CFAP299: variants seen among roughly 807,000 people sequenced by gnomAD.
CFAP299 encodes the protein cilia and flagella associated protein 299.
A neutral mutation model predicts 27.0 loss-of-function variants in CFAP299; 21 were observed. The ratio of observed to expected loss-of-function variants is 0.78; its 90% CI spans 0.55 to 1.12. The LOEUF is 1.12. Among genes scored for constraint, CFAP299 ranks in the 50% most tolerant of loss-of-function variants. CFAP299 has a pLI of 0.00. For synonymous variants in CFAP299, 104 were observed against 98.1 expected (o/e 1.06, Z -0.36); for missense variants, 310 against 276.6 (o/e 1.12, Z -0.86).
At chr4:80,752,840 C>T (rs998755972) in intron 3 of CFAP299, among the ~76,000 whole-genome samples, 1 of 151,662 alleles carries the variant, frequency 6.6e-6, no homozygotes. Context: ...TAATATATGT[C>T]ATTACGTTAA....
rs374092641 is a variant in CFAP299 at position 80,795,331 on chromosome 4, T to G, written c.334-74662T>G. On this transcript the variant is annotated intron_variant, in intron 3 of 5. Coordinates refer to ENST00000358105, the MANE Select transcript of CFAP299 (RefSeq NM_152770.3). The stretch of plus-strand genomic sequence containing the variant: ...ATTGCACAACTGGCCATTTCTCCTT[T>G]CATGCAAAGTACACAACCAGGTGCA... 5.3e-5 allele frequency among the ~76,000 whole-genome samples: 8 copies of G among 152,312 alleles called. No individual in the cohort carries two copies. In the South Asian group the frequency reaches 8.3e-4, roughly 16 times the overall value.
intron 3 of CFAP299, among the ~76,000 whole-genome samples, chr4:80,806,216 T>C (rs1429399120): frequency 6.6e-6 from 1 of 152,216 alleles, no homozygotes; most frequent in East Asian, 1.9e-4. Context: ...TGACATGAAG[T>C]CCTATTAAAG....
At chr4:80,456,703 A>G (rs1016218548) in intron 2 of CFAP299, among the ~76,000 whole-genome samples, 3 of 152,176 alleles carry the variant, frequency 2.0e-5, no homozygotes, top group Admixed American at 6.5e-5. Flanking sequence ...CCAAGTAAAG[A>G]TGTAGAGGGC....
chr4:80,355,354 CTTTTTTTT>C (rs70944772), intron 1 of CFAP299, among the ~76,000 whole-genome samples: 1 of 95,522 alleles, frequency 1.0e-5, no homozygotes. Context: ...ATGTCCTTTG[CTTTTTTTT>C]TTTTTTTTTT....
intron 3 of CFAP299, among the ~76,000 whole-genome samples, chr4:80,842,545 G>T (rs1208121629): frequency 1.3e-5 from 2 of 152,266 alleles, no homozygotes; most frequent in South Asian, 2.1e-4. Context: ...AATGTAAAAT[G>T]TAATAATGCA....
chr4:80,691,294 A>G (rs866393137), intron 3 of CFAP299, among the ~76,000 whole-genome samples: 2,631 of 135,110 alleles, frequency 0.019, 62 homozygotes, highest in South Asian at 0.063. Flanking sequence ...AAAATCCTCA[A>G]TAAAATACTG....
chr4:80,388,516 C>T (rs1725151478), intron 2 of CFAP299: 2 of 1,431,070 alleles, frequency 1.4e-6, no homozygotes, highest in African/African-American at 1.5e-5. Context: ...GGGTCATAAA[C>T]ACTGGCAGCG....
At chr4:80,343,336 C>T (rs1722552318) in intron 1 of CFAP299, among the ~76,000 whole-genome samples, 1 of 152,178 alleles carries the variant, frequency 6.6e-6, no homozygotes, top group Admixed American at 6.5e-5. Context: ...CTCATAGACA[C>T]CTACAGAACT....
chr4:80,708,288 C>T (rs1396524287), intron 3 of CFAP299, among the ~76,000 whole-genome samples: 3 of 151,958 alleles, frequency 2.0e-5, no homozygotes, highest in African/African-American at 7.2e-5. Flanking sequence ...TACATTCTTA[C>T]ATCTTTGTTT....
chr4:80,686,104 T>C (rs1443537731), intron 3 of CFAP299, among the ~76,000 whole-genome samples: 3 of 151,802 alleles, frequency 2.0e-5, no homozygotes, highest in Non-Finnish European at 4.4e-5. Flanking sequence ...ATGTTGAAGA[T>C]TAAATAAATC....
At chr4:80,447,865 CTTT>C (rs1255959945) in intron 2 of CFAP299, among the ~76,000 whole-genome samples, 1 of 152,156 alleles carries the variant, frequency 6.6e-6, no homozygotes. Flanking sequence ...CCAGTTTAAT[CTTT>C]TAATAGTGCA....
the CFAP299 span, among the ~76,000 whole-genome samples, chr4:80,329,208 C>CACACATATATATATATATAT: frequency 4.7e-3 from 645 of 135,982 alleles, 16 homozygotes; most frequent in African/African-American, 0.017. Flanking sequence ...ACACTGTATA[C>CACACATATATATATATATAT]ATATATATAT....
At position 80,540,406 on chromosome 4, in the gene CFAP299, T is replaced by C. The variant is rs1733945069; in HGVS notation, c.243-42687T>C. On this transcript the variant is annotated intron_variant, in intron 2 of 5. Transcript: ENST00000358105. ...ATGAAGTAAAGAAATTGTAAGCAGG[T>C]TCAGTAAATAATGTTACAAGAGTAC... 2.6e-5 allele frequency among the ~76,000 whole-genome samples: 4 copies of C among 152,284 alleles called. No individual in the cohort carries two copies. In the South Asian group the frequency reaches 8.3e-4, roughly 32 times the overall value.
intron 3 of CFAP299, among the ~76,000 whole-genome samples, chr4:80,841,967 C>T (rs1016727298): frequency 1.3e-5 from 2 of 152,024 alleles, no homozygotes; most frequent in East Asian, 1.9e-4. Flanking sequence ...ATCCACTCAC[C>T]CCAGTATTTC....
intron 3 of CFAP299, among the ~76,000 whole-genome samples, chr4:80,691,014 A>T (rs1720642530): frequency 6.9e-6 from 1 of 145,704 alleles, no homozygotes; most frequent in Admixed American, 6.9e-5. Flanking sequence ...ATCTCTGAAT[A>T]GACCAATAAC....
chr4:80,542,241 C>A (rs1329329416), intron 2 of CFAP299, among the ~76,000 whole-genome samples: 1 of 152,174 alleles, frequency 6.6e-6, no homozygotes, highest in Non-Finnish European at 1.5e-5. Flanking sequence ...TGGATTTGGA[C>A]TGAACCCTGC....
chr4:80,844,099 C>A (rs1731025992), intron 3 of CFAP299, among the ~76,000 whole-genome samples: 1 of 152,098 alleles, frequency 6.6e-6, no homozygotes, highest in African/African-American at 2.4e-5. Context: ...TTTTTTATGG[C>A]TGCATAGTAT....
chr4:80,720,676 T>A (rs1183863417), intron 3 of CFAP299, among the ~76,000 whole-genome samples: 1 of 152,030 alleles, frequency 6.6e-6, no homozygotes, highest in Non-Finnish European at 1.5e-5. Flanking sequence ...GAATAAAAAA[T>A]TAAGTGCCTA....
At chr4:80,867,094 A>G (rs1224642543) in intron 3 of CFAP299, among the ~76,000 whole-genome samples, 1 of 152,152 alleles carries the variant, frequency 6.6e-6, no homozygotes, top group Non-Finnish European at 1.5e-5. Flanking sequence ...AATTGTCTAT[A>G]TGTTCTTCTA....
Sources: gnomAD v4.1 joint callset for allele counts (sites outside exome capture counted in the v4.1 genomes callset) on GRCh38, gnomAD v4.1.1 for gene constraint, MANE v1.5 for transcripts, NCBI Gene and HGNC (gene_info 2026-07-23, HGNC 2026-07-21) for gene names.